The following LGSN variants were observed in gnomAD, a reference collection of about 807,000 sequenced individuals.
LGSN encodes the protein lengsin.
LGSN carries 21 observed loss-of-function variants against 19.5 expected under a neutral mutation model. The observed-to-expected ratio is 1.07, with a 90% CI of 0.76 to 1.55. LGSN has a LOEUF of 1.55. LGSN is among the 40% of genes most tolerant of loss of function. The pLI, the probability that LGSN is intolerant of heterozygous loss-of-function variation, is 0.00. For synonymous variants in LGSN, 257 were observed against 215.6 expected (o/e 1.19, Z -1.68); for missense variants, 673 against 608.5 (o/e 1.11, Z -1.12).
the LGSN span, among the ~76,000 whole-genome samples, chr6:63,497,065 G>A: frequency 6.6e-6 from 1 of 151,872 alleles, no homozygotes; most frequent in African/African-American, 2.4e-5. Flanking sequence ...TCAAACTCCT[G>A]GGCTCAAGCA....
At chr6:63,315,766 A>G (rs943161849) in intron 1 of LGSN, among the ~76,000 whole-genome samples, 3 of 151,568 alleles carry the variant, frequency 2.0e-5, no homozygotes, top group African/African-American at 7.3e-5. Flanking sequence ...TAGCTAGAAC[A>G]TAGCAGAATT....
intron 3 of LGSN, among the ~76,000 whole-genome samples, chr6:63,284,586 T>C (rs531385003): frequency 6.6e-6 from 1 of 152,198 alleles, no homozygotes; most frequent in Non-Finnish European, 1.5e-5. Context: ...AGTTTTACAT[T>C]GAGCTCTGGC....
chr6:63,512,521 A>ATAT, the LGSN span, among the ~76,000 whole-genome samples: 1 of 152,186 alleles, frequency 6.6e-6, no homozygotes, highest in Non-Finnish European at 1.5e-5. Flanking sequence ...TTAATGGGGA[A>ATAT]TATTTTTCCT....
intron 1 of LGSN, among the ~76,000 whole-genome samples, chr6:63,300,085 C>A (rs1045973813): frequency 2.0e-5 from 3 of 152,138 alleles, no homozygotes; most frequent in Admixed American, 6.5e-5. Flanking sequence ...CGTGTATGTC[C>A]ACTGTACCTG....
At chr6:63,566,158 G>A in the LGSN span, among the ~76,000 whole-genome samples, 19 of 152,334 alleles carry the variant, frequency 1.2e-4, no homozygotes, top group Non-Finnish European at 1.9e-4. Context: ...AGGAGAATTC[G>A]TACAACAGAG....
the LGSN span, among the ~76,000 whole-genome samples, chr6:63,557,434 C>G: frequency 6.6e-6 from 1 of 151,808 alleles, no homozygotes; most frequent in Non-Finnish European, 1.5e-5. Flanking sequence ...GTGTAGTGTG[C>G]GTGCCTGTAA....
the LGSN span, among the ~76,000 whole-genome samples, chr6:63,537,962 A>G: frequency 6.6e-6 from 1 of 152,264 alleles, no homozygotes; most frequent in Admixed American, 6.5e-5. Context: ...GTAGTGTCAC[A>G]GACAAATTTC....
At chr6:63,561,282 T>G in the LGSN span, among the ~76,000 whole-genome samples, 1 of 152,150 alleles carries the variant, frequency 6.6e-6, no homozygotes, top group Non-Finnish European at 1.5e-5. Flanking sequence ...ATAATGGGAG[T>G]AATATCAATC....
the LGSN span, among the ~76,000 whole-genome samples, chr6:63,343,583 G>A: frequency 6.6e-6 from 1 of 152,166 alleles, no homozygotes; most frequent in Non-Finnish European, 1.5e-5. Flanking sequence ...CAGCAAGGAA[G>A]AGTATCAGAA....
the LGSN span, among the ~76,000 whole-genome samples, chr6:63,557,416 A>G: frequency 1.3e-5 from 2 of 151,912 alleles, no homozygotes; most frequent in Admixed American, 1.3e-4. Flanking sequence ...AAATACAAAA[A>G]TTATCTGGTG....
the LGSN span, among the ~76,000 whole-genome samples, chr6:63,534,225 A>C: frequency 6.6e-6 from 1 of 152,202 alleles, no homozygotes; most frequent in Non-Finnish European, 1.5e-5. Context: ...ACGTTTAAAA[A>C]AAAAGTTTTA....
At chr6:63,374,176 A>T in the LGSN span, among the ~76,000 whole-genome samples, 11 of 152,312 alleles carry the variant, frequency 7.2e-5, no homozygotes, top group African/African-American at 2.2e-4. Flanking sequence ...TTCAGAAAAA[A>T]AAACACCAAT....
At chr6:63,540,159 T>A in the LGSN span, among the ~76,000 whole-genome samples, 1 of 152,194 alleles carries the variant, frequency 6.6e-6, no homozygotes, top group Non-Finnish European at 1.5e-5. Context: ...GATGATGGAA[T>A]CTGGTGTGCA....
At chr6:63,406,821 C>A in the LGSN span, among the ~76,000 whole-genome samples, 2 of 150,068 alleles carry the variant, frequency 1.3e-5, no homozygotes, top group Non-Finnish European at 1.5e-5. Flanking sequence ...ATCAAATAGA[C>A]GCAATAAAAA....
At chr6:63,432,647 G>A in the LGSN span, among the ~76,000 whole-genome samples, 93 of 151,486 alleles carry the variant, frequency 6.1e-4, no homozygotes, top group Non-Finnish European at 7.5e-4. Context: ...AGCCGAGATC[G>A]CACCACTGCA....
the LGSN span, among the ~76,000 whole-genome samples, chr6:63,518,539 G>A: frequency 1.3e-5 from 2 of 152,260 alleles, no homozygotes; most frequent in South Asian, 2.1e-4. Flanking sequence ...GAAAAAGAGG[G>A]TGGGGGCAAT....
chr6:63,529,139 A>ATATATATATATGTATATATATGTGTGTG, the LGSN span, among the ~76,000 whole-genome samples: 2 of 127,022 alleles, frequency 1.6e-5, no homozygotes, highest in Non-Finnish European at 3.1e-5. Context: ...ATGTGTGTGT[A>ATATATATATATGTATATATATGTGTGTG]TATATATATG....
chr6:63,364,668 T>C, the LGSN span, among the ~76,000 whole-genome samples: 1 of 152,162 alleles, frequency 6.6e-6, no homozygotes, highest in Non-Finnish European at 1.5e-5. Flanking sequence ...TATTCCAAAA[T>C]TGGCCGCATA....
the LGSN span, among the ~76,000 whole-genome samples, chr6:63,516,279 T>G: frequency 6.6e-6 from 1 of 152,236 alleles, no homozygotes; most frequent in Non-Finnish European, 1.5e-5. Context: ...AAGGCTTCAT[T>G]GCACAAGTTG....
Sources: gnomAD v4.1 joint callset for allele counts (sites outside exome capture counted in the v4.1 genomes callset) on GRCh38, gnomAD v4.1.1 for gene constraint, MANE v1.5 for transcripts, NCBI Gene and HGNC (gene_info 2026-07-23, HGNC 2026-07-21) for gene names.